The following DYNC2I2 variants were observed in gnomAD, a reference collection of about 807,000 sequenced individuals.
DYNC2I2 encodes the protein cytoplasmic dynein 2 intermediate chain 2.
Under a neutral mutation model 52.0 loss-of-function variants are expected in DYNC2I2, and 39 were observed. The ratio of observed to expected loss-of-function variants is 0.75; its 90% CI spans 0.58 to 0.98. The LOEUF (loss-of-function observed/expected upper bound fraction) is 0.98, where lower values mean the gene tolerates loss of function less well. Among genes scored for constraint, DYNC2I2 ranks in the 50% least tolerant of loss-of-function variants. The pLI is 0.00. For missense variants in DYNC2I2, 743 were observed against 728.4 expected (o/e 1.02, Z -0.23); for synonymous variants, 359 against 321.1 (o/e 1.12, Z -1.26).
the DYNC2I2 span, among the ~76,000 whole-genome samples, chr9:128,672,692 C>T: frequency 6.6e-6 from 1 of 151,938 alleles, no homozygotes; most frequent in African/African-American, 2.4e-5. Flanking sequence ...TATACACAGA[C>T]ACTACAGAAG....
chr9:128,649,062 T>C (rs1394145359), intron 1 of DYNC2I2, among the ~76,000 whole-genome samples: 1 of 152,146 alleles, frequency 6.6e-6, no homozygotes, highest in African/African-American at 2.4e-5. Context: ...ATGTCAAAAA[T>C]GCATCCCACT....
the DYNC2I2 span, among the ~76,000 whole-genome samples, chr9:128,673,806 A>ATTTTT: frequency 8.6e-6 from 1 of 115,718 alleles, no homozygotes; most frequent in African/African-American, 3.4e-5. Flanking sequence ...GCACCCAGCT[A>ATTTTT]TTTTTTTTTT....
chr9:128,676,706 AT>A, the DYNC2I2 span, among the ~76,000 whole-genome samples: 2 of 151,160 alleles, frequency 1.3e-5, no homozygotes, highest in Non-Finnish European at 2.9e-5. Context: ...TAATTTTTGT[AT>A]TTTTTAGTAG....
chr9:128,643,841 G>T (rs1860563021), intron 1 of DYNC2I2, among the ~76,000 whole-genome samples: 2 of 152,296 alleles, frequency 1.3e-5, no homozygotes, highest in East Asian at 3.9e-4. Context: ...GCCTGCTTTG[G>T]ACTCAGATGC....
intron 1 of DYNC2I2, among the ~76,000 whole-genome samples, chr9:128,647,134 A>C (rs113788875): frequency 0.052 from 7,958 of 152,268 alleles, 262 homozygotes; most frequent in East Asian, 0.13. Context: ...TCAAAAAACA[A>C]ACACACAAAC....
rs747197509 is a variant in DYNC2I2, at chr9:128,640,849, C to T, written c.277G>A (p.Val93Met). The change falls in exon 2 of 9, where the codon GTG becomes ATG. Residue 93 changes from valine (V) to methionine (M), a missense_variant. By Grantham distance (21) the Val-to-Met change is conservative. Transcript: ENST00000372715. ...VDAQVQTEAP[V>M]PVSVQPPSQY... is the part of the protein sequence containing the mutation. ...GACGGGGGCTGCACGCTGACAGGCA[C>T]GGGGGCCTCCGTCTGCACCTGGGCG... The T allele has an allele frequency of 1.1e-5, 18 of 1,613,842 alleles. No individual in the cohort carries two copies. The highest frequency in any genetic ancestry group is 6.7e-5 in the East Asian group (3 of 44,906).
At chr9:128,677,715 G>A in the DYNC2I2 span, among the ~76,000 whole-genome samples, 4 of 152,026 alleles carry the variant, frequency 2.6e-5, no homozygotes, top group Admixed American at 2.6e-4. Flanking sequence ...GCTGAGACAG[G>A]AGAATCGGTT....
intron 1 of DYNC2I2, among the ~76,000 whole-genome samples, chr9:128,650,121 C>T (rs2132175386): frequency 1.8e-5 from 1 of 57,112 alleles, no homozygotes; most frequent in African/African-American, 3.5e-5. Context: ...AAACCAGATC[C>T]CCAGGTCATA....
rs777288621 is a variant in DYNC2I2, at chr9:128,656,778, C to A, written c.-52G>T. The stretch of plus-strand genomic sequence containing the variant: ...ACGCACTCAGGCGCGACCTCCGCCC[C>A]TACGCCGCCATGAGCGGAAAACGGG... On this transcript the variant is annotated 5_prime_UTR_variant, in exon 1 of 9. It adds an upstream start codon to the 5' untranslated region. Coordinates refer to ENST00000372715, the MANE Select transcript of DYNC2I2 (RefSeq NM_052844.4). 6 of 1,312,336 alleles carry A rather than the reference C, an allele frequency of 4.6e-6. No homozygotes were observed. Among genetic ancestry groups the A allele is most frequent in the Non-Finnish European group, 5.8e-6 (6 of 1,029,068 alleles). The allele number at this position is 1,312,336 out of a possible 1,614,324, so 81.3% of individuals were successfully genotyped here. A position where few individuals can be genotyped will look rare whatever the true frequency, so the allele number is the denominator to read the frequency against.
intron 1 of DYNC2I2, among the ~76,000 whole-genome samples, chr9:128,646,909 G>A (rs992635609): frequency 1.3e-5 from 2 of 152,174 alleles, no homozygotes; most frequent in South Asian, 2.1e-4. Flanking sequence ...GGTGGATCAC[G>A]AGGACAGGAG....
chr9:128,655,135 C>T (rs1860792241), intron 1 of DYNC2I2, among the ~76,000 whole-genome samples: 1 of 151,756 alleles, frequency 6.6e-6, no homozygotes, highest in Non-Finnish European at 1.5e-5. Flanking sequence ...AGAGCATCTC[C>T]TTTCGTGTGC....
intron 4 of DYNC2I2, 114 bp from the exon 5 acceptor site, chr9:128,635,881 C>A (rs1404020313): frequency 7.1e-6 from 7 of 987,222 alleles, no homozygotes; most frequent in Non-Finnish European, 1.1e-5. Flanking sequence ...GGCGGCAGAG[C>A]CACTTGGCTG....
intron 1 of DYNC2I2, among the ~76,000 whole-genome samples, chr9:128,649,345 G>C (rs1011043841): frequency 9.9e-5 from 15 of 152,090 alleles, no homozygotes; most frequent in African/African-American, 3.6e-4. Context: ...TCGGGAGACT[G>C]AAGTGGGAGG....
At chr9:128,670,763 AAAAAG>A in the DYNC2I2 span, among the ~76,000 whole-genome samples, 2 of 150,790 alleles carry the variant, frequency 1.3e-5, no homozygotes, top group African/African-American at 4.9e-5. Context: ...AAAAAAAAAA[AAAAAG>A]AGAGAGAGAA....
At chr9:128,649,393 C>T (rs10988069) in intron 1 of DYNC2I2, among the ~76,000 whole-genome samples, 8,455 of 151,954 alleles carry the variant, frequency 0.056, 273 homozygotes, top group Middle Eastern at 0.17. Flanking sequence ...GCGTGAGCTA[C>T]GATCACATCA....
chr9:128,672,295 G>A, the DYNC2I2 span, among the ~76,000 whole-genome samples: 3 of 151,986 alleles, frequency 2.0e-5, no homozygotes, highest in Non-Finnish European at 4.4e-5. Context: ...AGTAGAGACA[G>A]GGTTTCACCT....
the DYNC2I2 span, among the ~76,000 whole-genome samples, chr9:128,682,024 G>C: frequency 6.6e-6 from 1 of 151,940 alleles, no homozygotes; most frequent in Non-Finnish European, 1.5e-5. Context: ...GTGAGCCAAA[G>C]ATTATGCCAC....
chr9:128,669,091 T>C, the DYNC2I2 span, among the ~76,000 whole-genome samples: 13 of 151,240 alleles, frequency 8.6e-5, no homozygotes, highest in African/African-American at 2.4e-4. Context: ...TTGGGCCGGG[T>C]GTGGTGGCTC....
At chr9:128,636,819 G>T in intron 3 of DYNC2I2, 99 bp downstream of exon 3, 1 of 937,048 alleles carries the variant, frequency 1.1e-6, no homozygotes, top group Non-Finnish European at 1.6e-6. Context: ...GGATGGCCAA[G>T]CTCTTAGAAC....
Sources: gnomAD v4.1 joint callset for allele counts (sites outside exome capture counted in the v4.1 genomes callset) on GRCh38, gnomAD v4.1.1 for gene constraint, MANE v1.5 for transcripts, NCBI Gene and HGNC (gene_info 2026-07-23, HGNC 2026-07-21) for gene names.